PPTC7: variants seen among roughly 807,000 people sequenced by gnomAD.
The protein encoded by PPTC7 is protein phosphatase targeting COQ7.
In PPTC7, 6 loss-of-function variants were observed where a neutral mutation model predicts 30.8. The ratio of observed to expected loss-of-function variants is 0.19; its 90% CI spans 0.11 to 0.38. PPTC7 has a LOEUF of 0.38. Ranked by LOEUF, PPTC7 falls within the 10% of genes least tolerant of loss-of-function variation. The pLI is 1.00. For synonymous variants in PPTC7, 163 were observed against 168.1 expected (o/e 0.97, Z 0.23); for missense variants, 218 against 404.8 (o/e 0.54, Z 3.96).
rs143822312 is a variant in PPTC7 at position 110,581,554 on chromosome 12, C to T, written c.223+1255G>A. Reference sequence around the variant, plus strand: ...CAAGCTGCAGGACCTTTCTAAGTCTCCCTCTCATGTTAATATCAATAGCGT... The same window carrying T: ...CAAGCTGCAGGACCTTTCTAAGTCTTCCTCTCATGTTAATATCAATAGCGT... On this transcript the variant is annotated intron_variant, in intron 1 of 5. Transcript: ENST00000354300. Among the ~76,000 whole-genome samples, 17 of 152,314 alleles carry T rather than the reference C, an allele frequency of 1.1e-4. No homozygotes were observed. In the East Asian group the frequency reaches 3.3e-3, roughly 29 times the overall value.
At chr12:110,561,175 G>C (rs1446007370) in intron 1 of PPTC7, among the ~76,000 whole-genome samples, 1 of 152,114 alleles carries the variant, frequency 6.6e-6, no homozygotes, top group South Asian at 2.1e-4. Flanking sequence ...AAAGACTTTA[G>C]TGTTCTCAGA....
At chr12:110,565,155 C>T (rs1210575312) in intron 1 of PPTC7, among the ~76,000 whole-genome samples, 5 of 151,946 alleles carry the variant, frequency 3.3e-5, no homozygotes, top group Non-Finnish European at 1.5e-5. Flanking sequence ...GGATTACCCA[C>T]CACGCCTGGC....
chr12:110,555,542 T>G (rs1454078052), intron 1 of PPTC7, among the ~76,000 whole-genome samples: 3 of 152,188 alleles, frequency 2.0e-5, no homozygotes, highest in African/African-American at 2.4e-5. Context: ...AAAAAGACCC[T>G]TTTGCCTGCT....
At chr12:110,566,270 C>G (rs548170556) in intron 1 of PPTC7, among the ~76,000 whole-genome samples, 1 of 152,158 alleles carries the variant, frequency 6.6e-6, no homozygotes, top group Non-Finnish European at 1.5e-5. Context: ...TTAATTAAAA[C>G]AAAAGCAATA....
chr12:110,538,350 T>G, intron 4 of PPTC7, 77 bp from the exon 5 acceptor site: 1 of 1,410,432 alleles, frequency 7.1e-7, no homozygotes. Flanking sequence ...TTTTCCATCA[T>G]GTAAGTTTTA....
At chr12:110,575,020 C>T (rs2064576783) in intron 1 of PPTC7, among the ~76,000 whole-genome samples, 1 of 150,026 alleles carries the variant, frequency 6.7e-6, no homozygotes, top group African/African-American at 2.5e-5. Context: ...GAACTTCTGA[C>T]CTCAAATGAT....
intron 3 of PPTC7, among the ~76,000 whole-genome samples, chr12:110,543,143 GACA>G (rs1421847084): frequency 6.6e-6 from 1 of 152,178 alleles, no homozygotes; most frequent in East Asian, 1.9e-4. Context: ...AGCAACATGT[GACA>G]ACATTTGTGA....
At chr12:110,576,896 G>A (rs1392856182) in intron 1 of PPTC7, among the ~76,000 whole-genome samples, 10 of 152,168 alleles carry the variant, frequency 6.6e-5, no homozygotes, top group Admixed American at 4.6e-4. Context: ...GGCTGGGCAC[G>A]TGGTTCACGC....
chr12:110,549,166 C>T (rs936125411), intron 2 of PPTC7, among the ~76,000 whole-genome samples: 21 of 152,126 alleles, frequency 1.4e-4, no homozygotes, highest in African/African-American at 3.6e-4. Context: ...TTATTAGGAC[C>T]AACCCCTCAG....
chr12:110,548,801 T>C (rs1378417581), intron 2 of PPTC7, among the ~76,000 whole-genome samples: 1 of 152,172 alleles, frequency 6.6e-6, no homozygotes, highest in Non-Finnish European at 1.5e-5. Context: ...TGAGCTTCAG[T>C]ATCCAAAGCA....
intron 1 of PPTC7, among the ~76,000 whole-genome samples, chr12:110,556,476 T>G (rs186055370): frequency 1.2e-4 from 19 of 152,338 alleles, no homozygotes; most frequent in East Asian, 9.6e-4. Flanking sequence ...GAAATTAATA[T>G]GTCCTCTATT....
chr12:110,539,093 C>T (rs1331997014), intron 4 of PPTC7, among the ~76,000 whole-genome samples: 4 of 152,104 alleles, frequency 2.6e-5, no homozygotes, highest in African/African-American at 9.7e-5. Flanking sequence ...GACTGCACTC[C>T]ACAGACAAGG....
Position 110,538,280 on chromosome 12 carries a change from T to C in PPTC7, c.727-7A>G, listed in dbSNP as rs755858914. The C allele has an allele frequency of 2.5e-6, 4 of 1,613,226 alleles. No individual in the cohort carries two copies. The highest frequency in any genetic ancestry group is 2.7e-5 in the African/African-American group (2 of 74,920). ...TACTCTCATAATTTGAATTCTAAGA[T>C]AAAGCATGAGGAAGTTATTTTACCA... On this transcript the variant is annotated splice_polypyrimidine_tract_variant and splice_region_variant and intron_variant, in intron 4 of 5. Coordinates refer to ENST00000354300, the MANE Select transcript of PPTC7 (RefSeq NM_139283.2).
chr12:110,538,509 A>G (rs1044892472), intron 4 of PPTC7, among the ~76,000 whole-genome samples: 2 of 152,016 alleles, frequency 1.3e-5, no homozygotes, highest in Non-Finnish European at 2.9e-5. Context: ...TTTTTTTCCC[A>G]TTTGAAATTC....
At chr12:110,567,137 G>C (rs1565925456) in intron 1 of PPTC7, among the ~76,000 whole-genome samples, 1 of 152,064 alleles carries the variant, frequency 6.6e-6, no homozygotes, top group Non-Finnish European at 1.5e-5. Context: ...CCTGTACATT[G>C]TGAGCCTCCA....
intron 1 of PPTC7, among the ~76,000 whole-genome samples, chr12:110,582,170 G>A (rs1001340633): frequency 1.3e-5 from 2 of 152,182 alleles, no homozygotes; most frequent in Non-Finnish European, 2.9e-5. Context: ...TTTGGATCAA[G>A]GAGACTCTGC....
chr12:110,567,360 A>C (rs1014417137), intron 1 of PPTC7, among the ~76,000 whole-genome samples: 1 of 152,242 alleles, frequency 6.6e-6, no homozygotes, highest in African/African-American at 2.4e-5. Context: ...AGCATTCCAC[A>C]AGCCTGATGG....
intron 5 of PPTC7, among the ~76,000 whole-genome samples, chr12:110,537,554 C>A (rs1326139182): frequency 6.6e-6 from 1 of 152,180 alleles, no homozygotes; most frequent in Non-Finnish European, 1.5e-5. Flanking sequence ...TTTCACATGT[C>A]ATAAAATTAT....
chr12:110,582,435 G>C (rs778396404), intron 1 of PPTC7, among the ~76,000 whole-genome samples: 5 of 152,198 alleles, frequency 3.3e-5, no homozygotes, highest in Non-Finnish European at 5.9e-5. Flanking sequence ...CATGCGGAGA[G>C]GGAACCAGAA....
Sources: gnomAD v4.1 joint callset for allele counts (sites outside exome capture counted in the v4.1 genomes callset) on GRCh38, gnomAD v4.1.1 for gene constraint, MANE v1.5 for transcripts, NCBI Gene and HGNC (gene_info 2026-07-23, HGNC 2026-07-21) for gene names.